RGS7: variants seen among roughly 807,000 people sequenced by gnomAD.
The protein encoded by RGS7 is regulator of G-protein signaling 7.
RGS7 carries 27 observed loss-of-function variants against 81.1 expected under a neutral mutation model. That is an observed-to-expected ratio of 0.33 (90% confidence interval 0.25 to 0.46). The LOEUF is 0.46. RGS7 is among the 20% of genes least tolerant of loss of function. The pLI, the probability that RGS7 is intolerant of heterozygous loss-of-function variation, is 1.00. For synonymous variants in RGS7, 208 were observed against 207.7 expected, an observed-to-expected ratio of 1.00 and a Z score of -0.01; for missense variants, 396 against 607.4, an observed-to-expected ratio of 0.65 and a Z score of 3.66.
intron 6 of RGS7, among the ~76,000 whole-genome samples, chr1:240,926,826 G>C (rs1262186403): frequency 1.3e-5 from 2 of 152,096 alleles, no homozygotes; most frequent in African/African-American, 4.8e-5. Context: ...CTTGATTTTC[G>C]AAGAATGGAG....
At chr1:240,789,201 A>G (rs1004212544) in intron 18 of RGS7, among the ~76,000 whole-genome samples, 4 of 152,144 alleles carry the variant, frequency 2.6e-5, no homozygotes, top group Non-Finnish European at 2.9e-5. Flanking sequence ...CACTTCCCCA[A>G]TCAATACCCT....
intron 2 of RGS7, among the ~76,000 whole-genome samples, chr1:241,249,490 A>G (rs566827816): frequency 6.6e-6 from 1 of 152,274 alleles, no homozygotes; most frequent in South Asian, 2.1e-4. Context: ...AAGTCCTGAA[A>G]TCAGTAGTAT....
intron 2 of RGS7, among the ~76,000 whole-genome samples, chr1:241,334,122 A>G (rs76810001): frequency 0.028 from 4,234 of 152,136 alleles, 126 homozygotes; most frequent in African/African-American, 0.073. Context: ...CGCTTCCCCA[A>G]AAAGGTAAAC....
chr1:240,960,567 T>TTC (rs1326710519), intron 4 of RGS7, among the ~76,000 whole-genome samples: 90 of 132,298 alleles, frequency 6.8e-4, no homozygotes, highest in African/African-American at 2.4e-3. Context: ...TTTTTTTTTT[T>TTC]CCCAGAAGTC....
intron 7 of RGS7, among the ~76,000 whole-genome samples, chr1:240,869,692 C>T (rs1664125682): frequency 6.6e-6 from 1 of 152,162 alleles, no homozygotes; most frequent in Non-Finnish European, 1.5e-5. Context: ...GTAATCCCAA[C>T]ACTTTAGGAG....
intron 2 of RGS7, among the ~76,000 whole-genome samples, chr1:241,143,634 T>A (rs1004115262): frequency 6.6e-6 from 1 of 152,174 alleles, no homozygotes; most frequent in African/African-American, 2.4e-5. Flanking sequence ...CAAGATGAGA[T>A]CTGGGTGAAG....
At position 241,287,098 on chromosome 1, in the gene RGS7, T is replaced by C. The variant is rs1347233643; in HGVS notation, c.78+68601A>G. Among the ~76,000 whole-genome samples the C allele has an allele frequency of 5.9e-5, 9 of 152,254 alleles. 1 individual carries two copies. In the South Asian group the frequency reaches 1.9e-3, roughly 32 times the overall value. On this transcript the variant is annotated intron_variant, in intron 2 of 18. Transcript: ENST00000440928. ...TGATCAATGCTGAGAAAAGTCATGA[T>C]GTGTCAGGAGTCTCAGCTCCAAAGG...
At chr1:240,819,704 T>A (rs1336694592) in intron 10 of RGS7, among the ~76,000 whole-genome samples, 1 of 152,168 alleles carries the variant, frequency 6.6e-6, no homozygotes, top group Non-Finnish European at 1.5e-5. Context: ...CACCATTGCA[T>A]TCCAGTCTGG....
chr1:240,951,597 GAAGAAAAAAATAAC>G, intron 4 of RGS7, among the ~76,000 whole-genome samples: 1 of 151,844 alleles, frequency 6.6e-6, no homozygotes, highest in Admixed American at 6.6e-5. Flanking sequence ...ACTGAAATTC[GAAGAAAAAAATAAC>G]AAGGAAAACA....
In RGS7 at chr1:240,800,524, C is replaced by G. The variant is rs556094359; in HGVS notation, c.*6+117G>C. 4 of 482,036 alleles carry G rather than the reference C, an allele frequency of 8.3e-6. No homozygotes were observed. In the East Asian group the frequency reaches 1.4e-4, roughly 17 times the overall value. 29.9% of individuals were successfully genotyped at this position (482,036 alleles called of 1,614,324 possible). ...TCACATTTCAACACACATAACTCCA[C>G]TGAACTGGCCATCACAGCAAAAGCC... is the stretch of plus-strand genomic sequence containing the variant. On this transcript the variant is annotated intron_variant, in intron 18 of 18. Coordinates refer to ENST00000440928, the MANE Select transcript of RGS7 (RefSeq NM_001364886.1).
Position 240,930,914 on chromosome 1 carries a change from T to G in RGS7, c.334-146A>C, listed in dbSNP as rs1020922129. On this transcript the variant is annotated intron_variant, in intron 5 of 18. Coordinates refer to ENST00000440928, the MANE Select transcript of RGS7 (RefSeq NM_001364886.1). ...TACAGAACATGTTCCAAGAGAGACATTGAAAACTCTTTGTCTACATGTACT... is the reference window on the plus strand; with the variant it reads ...TACAGAACATGTTCCAAGAGAGACAGTGAAAACTCTTTGTCTACATGTACT... 13 of 834,238 alleles carry G rather than the reference T, an allele frequency of 1.6e-5. No individual in the cohort carries two copies. In the South Asian group the frequency reaches 2.0e-4, roughly 13 times the overall value. The allele number at this position is 834,238 out of a possible 1,614,324, so 51.7% of individuals were successfully genotyped here. A position where few individuals can be genotyped will look rare whatever the true frequency, so the allele number is the denominator to read the frequency against.
intron 3 of RGS7, among the ~76,000 whole-genome samples, chr1:241,037,989 G>T (rs2148755814): frequency 6.6e-6 from 1 of 152,280 alleles, no homozygotes; most frequent in South Asian, 2.1e-4. Flanking sequence ...AAGGATAAAA[G>T]ACAGCATTTT....
rs114447476 is a variant in RGS7, at chr1:241,283,412, A to T, written c.78+72287T>A. On this transcript the variant is annotated intron_variant, in intron 2 of 18. Transcript: ENST00000440928. ...CATTCCTGAATAATATTTTTGCTGG[A>T]TATAGTGTTCTGAGTTGTCAATTCT... Among the ~76,000 whole-genome samples, 998 of 152,210 alleles carry T rather than the reference A, an allele frequency of 6.6e-3. 5 individuals are homozygous for T. The highest frequency in any genetic ancestry group is 0.024 in the Middle Eastern group (7 of 294).
At chr1:240,863,663 T>G (rs1399847458) in intron 9 of RGS7, among the ~76,000 whole-genome samples, 2 of 152,112 alleles carry the variant, frequency 1.3e-5, no homozygotes, top group Non-Finnish European at 2.9e-5. Flanking sequence ...ACATGTTAGT[T>G]GGATTCCCCT....
intron 2 of RGS7, among the ~76,000 whole-genome samples, chr1:241,326,753 G>C (rs1458887985): frequency 6.7e-6 from 1 of 150,254 alleles, no homozygotes; most frequent in Admixed American, 6.7e-5. Context: ...AGGCCAGCCT[G>C]GGCAACATGT....
chr1:241,328,924 C>T (rs766213687), intron 2 of RGS7, among the ~76,000 whole-genome samples: 1 of 152,042 alleles, frequency 6.6e-6, no homozygotes, highest in Non-Finnish European at 1.5e-5. Context: ...TTCTTCTCTG[C>T]AATACCTATG....
At chr1:240,988,052 G>C (rs926321545) in intron 3 of RGS7, among the ~76,000 whole-genome samples, 1 of 152,010 alleles carries the variant, frequency 6.6e-6, no homozygotes, top group South Asian at 2.1e-4. Context: ...TAACTGATCT[G>C]TCAGTCCCTT....
In RGS7 at chr1:241,053,648, T is replaced by C. The variant is rs188041515; in HGVS notation, c.175+45018A>G. Among the ~76,000 whole-genome samples the C allele has an allele frequency of 9.8e-5, 15 of 152,312 alleles. No homozygotes were observed. In the East Asian group the frequency reaches 2.7e-3, roughly 27 times the overall value. On this transcript the variant is annotated intron_variant, in intron 3 of 18. Transcript: ENST00000440928. Reference sequence around the variant, plus strand: ...TAAGATTTTTGGTGCAAAAAGTATATACTAGACATCTGATATGGTTTGGCT... The same window carrying C: ...TAAGATTTTTGGTGCAAAAAGTATACACTAGACATCTGATATGGTTTGGCT...
At chr1:241,245,057 T>C (rs1366091301) in intron 2 of RGS7, among the ~76,000 whole-genome samples, 2 of 152,070 alleles carry the variant, frequency 1.3e-5, no homozygotes, top group Non-Finnish European at 2.9e-5. Flanking sequence ...TGTATACATA[T>C]GTAACTAACC....
Sources: allele counts gnomAD v4.1 joint callset (sites outside exome capture counted in the v4.1 genomes callset), GRCh38; gene constraint gnomAD v4.1.1; transcripts MANE v1.5; gene names NCBI Gene and HGNC (gene_info 2026-07-23, HGNC 2026-07-21).